FUT8: variants seen among roughly 807,000 people sequenced by gnomAD.
FUT8 encodes alpha-(1,6)-fucosyltransferase.
In FUT8, 29 loss-of-function variants were observed where a neutral mutation model predicts 71.3. The ratio of observed to expected loss-of-function variants is 0.41; its 90% CI spans 0.30 to 0.55. The LOEUF (loss-of-function observed/expected upper bound fraction) is 0.55, where lower values mean the gene tolerates loss of function less well. Ranked by LOEUF, FUT8 falls within the 20% of genes least tolerant of loss-of-function variation. FUT8 has a pLI of 0.34. For synonymous variants in FUT8, 254 were observed against 239.3 expected, an observed-to-expected ratio of 1.06 and a Z score of -0.57; for missense variants, 544 against 702.1, an observed-to-expected ratio of 0.77 and a Z score of 2.55.
intron 2 of FUT8, among the ~76,000 whole-genome samples, chr14:65,504,267 A>G (rs2139784038): frequency 6.6e-6 from 1 of 152,356 alleles, no homozygotes; most frequent in African/African-American, 2.4e-5. Flanking sequence ...AATTGTTTAA[A>G]TAATTTTAAC....
chr14:65,545,367 A>G (rs1220066887), intron 2 of FUT8, among the ~76,000 whole-genome samples: 1 of 151,972 alleles, frequency 6.6e-6, no homozygotes, highest in African/African-American at 2.4e-5. Context: ...TATGGCTCTT[A>G]AAATGTTTGT....
intron 3 of FUT8, among the ~76,000 whole-genome samples, chr14:65,572,389 T>G (rs963853225): frequency 2.0e-5 from 3 of 152,178 alleles, no homozygotes; most frequent in African/African-American, 7.2e-5. Context: ...AGTACTCACA[T>G]TATCCCCATT....
rs372104837 is a variant in FUT8, at chr14:65,582,019, A to G, written c.203+20253A>G. On this transcript the variant is annotated intron_variant, in intron 3 of 10. Transcript: ENST00000673929. ...ATGAGACCATTAGAATCTTGTTGCTATAACTGTAAGTCATGGTGTTGAATT... is the reference window on the plus strand; with the variant it reads ...ATGAGACCATTAGAATCTTGTTGCTGTAACTGTAAGTCATGGTGTTGAATT... Among the ~76,000 whole-genome samples, 7 of 152,298 alleles carry G rather than the reference A, an allele frequency of 4.6e-5. No homozygotes were observed. In the South Asian group the frequency reaches 8.3e-4, roughly 18 times the overall value.
chr14:65,396,607 G>A, the FUT8 span, among the ~76,000 whole-genome samples: 1 of 152,174 alleles, frequency 6.6e-6, no homozygotes, highest in Admixed American at 6.5e-5. This position sits in a 1 kb window ranked among gnomAD's most constrained non-coding sequence, Gnocchi z 5.5. Context: ...GGAATTATGG[G>A]AGCTACAGTT....
the FUT8 span, among the ~76,000 whole-genome samples, chr14:65,373,053 TAA>T: frequency 3.3e-5 from 5 of 152,148 alleles, no homozygotes; most frequent in South Asian, 2.1e-4. Flanking sequence ...TTTAAAAATA[TAA>T]GTGTGTCCCA....
rs1381269547 is a variant in FUT8 at position 65,669,058 on chromosome 14, C to A, written c.598-185C>A. Among the ~76,000 whole-genome samples, 1 of 151,698 alleles carries A rather than the reference C, an allele frequency of 6.6e-6. No homozygotes were observed. The highest frequency in any genetic ancestry group is 6.6e-5 in the Admixed American group (1 of 15,198). On this transcript the variant is annotated intron_variant, in intron 6 of 10. Transcript: ENST00000673929. This position sits in a 1 kb window ranked among gnomAD's most constrained non-coding sequence, Gnocchi z 4.5. ...TGAAAGGTGGGAGGAGGGTGAAGATCAAAAAGCTGCATATCACTTACTATG... is the reference window on the plus strand; with the variant it reads ...TGAAAGGTGGGAGGAGGGTGAAGATAAAAAAGCTGCATATCACTTACTATG...
the FUT8 span, among the ~76,000 whole-genome samples, chr14:65,380,143 T>G: frequency 0.014 from 2,166 of 152,280 alleles, 23 homozygotes; most frequent in Admixed American, 0.021. Flanking sequence ...TGGACTTACA[T>G]TTCTACATGG....
chr14:65,561,840 T>C, intron 3 of FUT8, 74 bp downstream of exon 3: 1 of 1,160,490 alleles, frequency 8.6e-7, no homozygotes, highest in Non-Finnish European at 1.3e-6. Context: ...TTCATTCCGC[T>C]AGGAAAAATA....
chr14:65,446,662 T>C (rs1342976919), intron 1 of FUT8, among the ~76,000 whole-genome samples: 1 of 144,172 alleles, frequency 6.9e-6, no homozygotes, highest in Non-Finnish European at 1.5e-5. Context: ...TCTAAACCTG[T>C]GAAGATGTTT....
intron 7 of FUT8, among the ~76,000 whole-genome samples, chr14:65,716,253 C>T (rs540616454): frequency 6.6e-6 from 1 of 152,128 alleles, no homozygotes; most frequent in East Asian, 1.9e-4. Context: ...TGGGGTCTAC[C>T]TCTCTCGTTA....
At chr14:65,657,161 T>C (rs1302342615) in intron 6 of FUT8, among the ~76,000 whole-genome samples, 2 of 152,254 alleles carry the variant, frequency 1.3e-5, no homozygotes, top group African/African-American at 4.8e-5. Flanking sequence ...TGGGATCTTA[T>C]CAAGTTAAAA....
chr14:65,733,179 G>C (rs1048649181), intron 9 of FUT8, 52 bp from the exon 10 acceptor site: 1 of 1,187,052 alleles, frequency 8.4e-7, no homozygotes, highest in Non-Finnish European at 1.2e-6. Context: ...TCTGCCTTCT[G>C]ATAGGATACT....
chr14:65,488,117 C>T (rs898327128), intron 2 of FUT8, among the ~76,000 whole-genome samples: 11 of 152,144 alleles, frequency 7.2e-5, no homozygotes, highest in African/African-American at 2.7e-4. Flanking sequence ...CTACCTCACC[C>T]AGCCTGCAGT....
chr14:65,439,152 A>G (rs1033914589), intron 1 of FUT8, among the ~76,000 whole-genome samples: 16 of 152,132 alleles, frequency 1.1e-4, no homozygotes, highest in Non-Finnish European at 5.9e-5. Flanking sequence ...CTACCCTAGT[A>G]ACATGATCCA....
intron 7 of FUT8, among the ~76,000 whole-genome samples, chr14:65,690,489 A>G (rs1035997309): frequency 6.6e-6 from 1 of 152,186 alleles, no homozygotes; most frequent in Non-Finnish European, 1.5e-5. Context: ...GACATTGACA[A>G]TATTGAGTCT....
At chr14:65,458,382 G>A (rs1388272402) in intron 2 of FUT8, among the ~76,000 whole-genome samples, 1 of 141,708 alleles carries the variant, frequency 7.1e-6, no homozygotes, top group Non-Finnish European at 1.5e-5. Flanking sequence ...AGAGGGTAAA[G>A]GTTGGGCATG....
At position 65,660,486 on chromosome 14, in the gene FUT8, C is replaced by G. The variant is rs2140348193; in HGVS notation, c.598-8757C>G. Among the ~76,000 whole-genome samples the G allele has an allele frequency of 6.6e-6, 1 of 152,278 alleles. No homozygotes were observed. Among genetic ancestry groups the G allele is most frequent in the Non-Finnish European group, 1.5e-5 (1 of 68,008 alleles). ...ACTATCTGCCTTTGCTGCAGTCTTT[C>G]AGTCTATAAACTCTGTATCTTGGTA... On this transcript the variant is annotated intron_variant, in intron 6 of 10. Coordinates refer to ENST00000673929, the MANE Select transcript of FUT8 (RefSeq NM_001371533.1). The surrounding 1 kb of genome is among the most constrained non-coding windows in gnomAD (Gnocchi z 4.1).
chr14:65,514,692 T>G (rs889509212), intron 2 of FUT8, among the ~76,000 whole-genome samples: 3 of 144,218 alleles, frequency 2.1e-5, no homozygotes, highest in Non-Finnish European at 4.6e-5. Flanking sequence ...AAATCACTTC[T>G]TTTTTTTTTT....
At chr14:65,705,042 T>G (rs866391494) in intron 7 of FUT8, among the ~76,000 whole-genome samples, 2 of 152,254 alleles carry the variant, frequency 1.3e-5, no homozygotes, top group Admixed American at 1.3e-4. Context: ...TTCTTAAGAA[T>G]GTTGCTAACA....
Sources: allele counts gnomAD v4.1 joint callset (sites outside exome capture counted in the v4.1 genomes callset), GRCh38; gene constraint gnomAD v4.1.1; non-coding constraint Gnocchi (gnomAD v3.1); transcripts MANE v1.5; gene names NCBI Gene and HGNC (gene_info 2026-07-23, HGNC 2026-07-21).